The following LOC128092253 variants were observed in gnomAD, a reference collection of about 807,000 sequenced individuals.
the LOC128092253 span, among the ~76,000 whole-genome samples, chr6:133,962,159 T>G: frequency 6.6e-6 from 1 of 152,058 alleles, no homozygotes; most frequent in African/African-American, 2.4e-5. Flanking sequence ...AGTGGAAGAT[T>G]AGGTTATATA....
chr6:133,962,511 C>T, the LOC128092253 span, among the ~76,000 whole-genome samples: 1 of 152,210 alleles, frequency 6.6e-6, no homozygotes, highest in African/African-American at 2.4e-5. Context: ...AATTGTGACT[C>T]ACTCCATTCA....
the LOC128092253 span, among the ~76,000 whole-genome samples, chr6:133,954,828 ACT>A: frequency 6.6e-6 from 1 of 151,938 alleles, no homozygotes; most frequent in Non-Finnish European, 1.5e-5. Flanking sequence ...AGTATCAGAA[ACT>A]CTAGTGACCT....
At chr6:133,963,151 G>A in the LOC128092253 span, among the ~76,000 whole-genome samples, 1 of 152,186 alleles carries the variant, frequency 6.6e-6, no homozygotes, top group African/African-American at 2.4e-5. Context: ...TGGGAAACAA[G>A]GGATGGTAAA....
chr6:133,971,012 C>T, the LOC128092253 span, among the ~76,000 whole-genome samples: 1 of 152,180 alleles, frequency 6.6e-6, no homozygotes, highest in African/African-American at 2.4e-5. Context: ...GGTCACCCTA[C>T]TGTGCAACAG....
chr6:133,978,266 A>T, the LOC128092253 span, among the ~76,000 whole-genome samples: 2 of 152,314 alleles, frequency 1.3e-5, no homozygotes, highest in Admixed American at 1.3e-4. Context: ...TTCATCAATA[A>T]TTACTGTCAT....
chr6:133,972,184 A>G, the LOC128092253 span, among the ~76,000 whole-genome samples: 1 of 152,172 alleles, frequency 6.6e-6, no homozygotes, highest in South Asian at 2.1e-4. Flanking sequence ...CATTCCCCCA[A>G]GTATTTGAGT....
At chr6:133,980,054 A>G in the LOC128092253 span, 2 of 1,367,524 alleles carry the variant, frequency 1.5e-6, no homozygotes, top group Middle Eastern at 2.0e-4. Flanking sequence ...ATTTAAGTTT[A>G]ATGACTTTAT....
the LOC128092253 span, among the ~76,000 whole-genome samples, chr6:133,959,541 G>T: frequency 1.3e-5 from 2 of 152,008 alleles, no homozygotes; most frequent in Non-Finnish European, 2.9e-5. Context: ...GAGTGCAGTG[G>T]CGCGATCTCG....
the LOC128092253 span, among the ~76,000 whole-genome samples, chr6:133,962,959 A>G: frequency 6.6e-6 from 1 of 152,230 alleles, no homozygotes. Context: ...TTCAGAATCC[A>G]GGGATAGGAC....
At chr6:133,968,185 C>T in the LOC128092253 span, among the ~76,000 whole-genome samples, 1 of 152,010 alleles carries the variant, frequency 6.6e-6, no homozygotes, top group African/African-American at 2.4e-5. Flanking sequence ...GACGGGGTTT[C>T]ACCATGTTAG....
the LOC128092253 span, among the ~76,000 whole-genome samples, chr6:133,967,239 T>G: frequency 6.6e-6 from 1 of 152,176 alleles, no homozygotes; most frequent in Non-Finnish European, 1.5e-5. Flanking sequence ...TGTTATAGAA[T>G]TGATTGAATG....
chr6:133,980,058 A>C, the LOC128092253 span: 1 of 1,376,478 alleles, frequency 7.3e-7, no homozygotes, highest in Non-Finnish European at 9.5e-7. Context: ...AAGTTTAATG[A>C]CTTTATTTTG....
At chr6:133,976,607 G>C in the LOC128092253 span, among the ~76,000 whole-genome samples, 1 of 152,102 alleles carries the variant, frequency 6.6e-6, no homozygotes, top group Non-Finnish European at 1.5e-5. Flanking sequence ...CTAATATTTA[G>C]TTAGACCTGT....
the LOC128092253 span, among the ~76,000 whole-genome samples, chr6:133,974,587 A>G: frequency 6.6e-6 from 1 of 152,232 alleles, no homozygotes; most frequent in Non-Finnish European, 1.5e-5. Flanking sequence ...TTGCCCTCCC[A>G]AAGTGCTGGG....
the LOC128092253 span, among the ~76,000 whole-genome samples, chr6:133,963,218 C>T: frequency 6.6e-6 from 1 of 152,048 alleles, no homozygotes; most frequent in African/African-American, 2.4e-5. Flanking sequence ...AGAATAGAGC[C>T]CTTTTTAAGG....
chr6:133,972,595 G>C, the LOC128092253 span, among the ~76,000 whole-genome samples: 1 of 152,178 alleles, frequency 6.6e-6, no homozygotes, highest in Admixed American at 6.5e-5. Context: ...GGGCATGGCT[G>C]TGTTCCAATA....
At chr6:133,972,025 T>C in the LOC128092253 span, among the ~76,000 whole-genome samples, 3 of 152,222 alleles carry the variant, frequency 2.0e-5, no homozygotes, top group Non-Finnish European at 4.4e-5. Context: ...ATAACTACTA[T>C]ACAAGTCTGT....
the LOC128092253 span, among the ~76,000 whole-genome samples, chr6:133,975,898 T>C: frequency 6.6e-6 from 1 of 152,200 alleles, no homozygotes; most frequent in Admixed American, 6.5e-5. Flanking sequence ...TTGTGTTCTT[T>C]TTGCCTTTTT....
At chr6:133,958,272 G>A in the LOC128092253 span, among the ~76,000 whole-genome samples, 2 of 152,326 alleles carry the variant, frequency 1.3e-5, no homozygotes, top group East Asian at 1.9e-4. Flanking sequence ...TTAGGCTTTC[G>A]TTAGAAGGCA....
Sources: gnomAD v4.1 joint callset for allele counts (sites outside exome capture counted in the v4.1 genomes callset) on GRCh38, gnomAD v4.1.1 for gene constraint, MANE v1.5 for transcripts.